CCNL1: variants seen among roughly 807,000 people sequenced by gnomAD.
CCNL1 encodes cyclin-L1.
A neutral mutation model predicts 60.6 loss-of-function variants in CCNL1; 13 were observed. That is an observed-to-expected ratio of 0.21 (90% confidence interval 0.14 to 0.34). The LOEUF (loss-of-function observed/expected upper bound fraction) is 0.34, where lower values mean the gene tolerates loss of function less well. Ranked by LOEUF, CCNL1 falls within the 10% of genes least tolerant of loss-of-function variation. CCNL1 has a pLI of 1.00. For synonymous variants in CCNL1, 270 were observed against 244.3 expected, an observed-to-expected ratio of 1.10 and a Z score of -0.98; for missense variants, 481 against 664.3, an observed-to-expected ratio of 0.72 and a Z score of 3.03.
At chr3:157,146,082 T>C (rs1372212172), downstream of CCNL1, among the ~76,000 whole-genome samples, 1 of 152,220 alleles carries the variant, frequency 6.6e-6, no homozygotes, top group Non-Finnish European at 1.5e-5. Flanking sequence ...GAACAAACTT[T>C]ACTTGTATGG....
rs1318553065 is a variant in CCNL1, at chr3:157,149,559, T to C, written c.1059A>G (p.Pro353=). ...TGACTGTCTTCACATTAATGGAGATTGGTGATTTCTCTTCAGCTTTTACTT... is the reference window on the plus strand; with the variant it reads ...TGACTGTCTTCACATTAATGGAGATCGGTGATTTCTCTTCAGCTTTTACTT... ...PREVKAEEKS[P]ISINVKTVKK... The change falls in exon 9 of 11, where the codon CCA becomes CCG. Residue 353 remains proline (P), a synonymous_variant. Coordinates refer to ENST00000295926, the MANE Select transcript of CCNL1 (RefSeq NM_020307.4). 1 of 1,614,028 alleles carries C rather than the reference T, an allele frequency of 6.2e-7. No individual in the cohort carries two copies. The highest frequency in any genetic ancestry group is 8.5e-7 in the Non-Finnish European group (1 of 1,179,952).
At chr3:157,145,055 G>C (rs145964221), downstream of CCNL1, among the ~76,000 whole-genome samples, 438 of 152,286 alleles carry the variant, frequency 2.9e-3, 4 homozygotes, top group African/African-American at 0.01. Flanking sequence ...ATGGGAACAT[G>C]GTTAAGAATT....
intron 3 of CCNL1, 176 bp downstream of exon 3, chr3:157,158,690 T>A: frequency 2.0e-6 from 1 of 505,876 alleles, no homozygotes; most frequent in East Asian, 3.6e-5. Flanking sequence ...GTTAATTATG[T>A]TTCTTTTTTC....
Position 157,149,555 on chromosome 3 carries a change from A to G in CCNL1, c.1063T>C (p.Ser355Pro). The change falls in exon 9 of 11, where the codon TCC becomes CCC. Residue 355 changes from serine to proline, a missense_variant. Ser to Pro is a moderately conservative substitution (Grantham distance 74, BLOSUM62 -1). This residue lies in a region of CCNL1 where 197 missense variants were observed against 233.9 expected (regional missense o/e 0.84). Transcript: ENST00000295926. ...EVKAEEKSPI[S>P]INVKTVKKEP... ...TTTTTGACTGTCTTCACATTAATGG[A>G]GATTGGTGATTTCTCTTCAGCTTTT... is the stretch of plus-strand genomic sequence containing the variant. The G allele has an allele frequency of 1.2e-6, 2 of 1,613,926 alleles. No individual in the cohort carries two copies. Among genetic ancestry groups the G allele is most frequent in the East Asian group, 2.2e-5 (1 of 44,868 alleles).
downstream of CCNL1, among the ~76,000 whole-genome samples, chr3:157,143,999 A>T (rs1477381079): frequency 6.6e-6 from 1 of 152,218 alleles, no homozygotes; most frequent in Admixed American, 6.5e-5. Context: ...TGACAGACAG[A>T]AATCAGACTA....
intron 3 of CCNL1, chr3:157,158,534 G>A (rs907533612): frequency 5.8e-6 from 1 of 173,196 alleles, no homozygotes; most frequent in South Asian, 1.2e-4. Context: ...TCCAGAGAGG[G>A]GAGAGGAAAA....
At chr3:157,145,437 C>CAAAAAAAGAAAAAAAAAAAAAA (rs1737750871), downstream of CCNL1, among the ~76,000 whole-genome samples, 1 of 24,266 alleles carries the variant, frequency 4.1e-5, no homozygotes, top group Non-Finnish European at 7.6e-5. Context: ...GACTTCATCT[C>CAAAAAAAGAAAAAAAAAAAAAA]AAAAAAAAAA....
At chr3:157,157,200 G>A (rs374577458) in intron 3 of CCNL1, 1 of 928,244 alleles carries the variant, frequency 1.1e-6, no homozygotes, top group African/African-American at 1.7e-5. Context: ...TTAAAAAAAG[G>A]CTTCCATGCA....
downstream of CCNL1, among the ~76,000 whole-genome samples, chr3:157,144,889 A>G (rs926067686): frequency 6.6e-6 from 1 of 152,176 alleles, no homozygotes; most frequent in Non-Finnish European, 1.5e-5. Flanking sequence ...TTATTTTTGG[A>G]AACTCTCATG....
At position 157,150,254 on chromosome 3, in the gene CCNL1, C is replaced by T. The variant is rs1457912925; in HGVS notation, c.774+28G>A. The T allele has an allele frequency of 5.0e-6, 8 of 1,612,152 alleles. No individual in the cohort carries two copies. In the South Asian group the frequency reaches 6.6e-5, roughly 13 times the overall value. ...CCGAAAATTTGTGTGATTTATCCTA[C>T]AGAACAAAATGGGAAATATACACCT... On this transcript the variant is annotated intron_variant, in intron 6 of 10. Coordinates refer to ENST00000295926, the MANE Select transcript of CCNL1 (RefSeq NM_020307.4).
chr3:157,152,687 A>C (rs1738284631), intron 4 of CCNL1: 6 of 1,114,584 alleles, frequency 5.4e-6, no homozygotes, highest in Non-Finnish European at 6.6e-6. Flanking sequence ...TTCTACTATG[A>C]TGATAAGTGT....
intron 3 of CCNL1, 71 bp from the exon 4 acceptor site, chr3:157,153,227 T>C: frequency 6.6e-7 from 1 of 1,516,372 alleles, no homozygotes; most frequent in Non-Finnish European, 8.9e-7. Flanking sequence ...GCATCTCCAT[T>C]TTCCCTTCCA....
downstream of CCNL1, among the ~76,000 whole-genome samples, chr3:157,145,965 G>A (rs1737773144): frequency 6.6e-6 from 1 of 152,106 alleles, no homozygotes; most frequent in African/African-American, 2.4e-5. Flanking sequence ...AGAGATGAGG[G>A]CTCTCTGGAT....
intron 3 of CCNL1, among the ~76,000 whole-genome samples, chr3:157,156,748 A>G (rs1302716878): frequency 3.9e-5 from 6 of 152,256 alleles, no homozygotes; most frequent in Non-Finnish European, 5.9e-5. Flanking sequence ...ACTAGATTAA[A>G]ACAAATAGCA....
chr3:157,156,506 A>C (rs929224631), intron 3 of CCNL1, among the ~76,000 whole-genome samples: 1 of 152,214 alleles, frequency 6.6e-6, no homozygotes, highest in Non-Finnish European at 1.5e-5. Context: ...CCCCCTCTAA[A>C]TTTAGCTGTT....
chr3:157,145,437 C>CAAAAAAAAAAAAAAAAAAAA (rs56894231), downstream of CCNL1, among the ~76,000 whole-genome samples: 25 of 24,268 alleles, frequency 1.0e-3, 1 homozygote, highest in East Asian at 1.7e-3. Flanking sequence ...GACTTCATCT[C>CAAAAAAAAAAAAAAAAAAAA]AAAAAAAAAA....
chr3:157,152,359 C>A (rs1266561560), intron 4 of CCNL1, 118 bp from the exon 5 acceptor site: 2 of 1,462,996 alleles, frequency 1.4e-6, no homozygotes, highest in African/African-American at 1.4e-5. Flanking sequence ...ATCGATAATA[C>A]AGACCAATTT....
chr3:157,159,081 A>T, intron 2 of CCNL1, 106 bp from the exon 3 acceptor site: 13 of 734,736 alleles, frequency 1.8e-5, no homozygotes, highest in Non-Finnish European at 2.8e-5. Context: ...TAGAGAAGAC[A>T]TCTCTATGCC....
intron 4 of CCNL1, chr3:157,152,630 CA>C (rs1430737501): frequency 6.6e-6 from 7 of 1,068,488 alleles, no homozygotes; most frequent in African/African-American, 3.4e-5. Flanking sequence ...TTGGGAGAAA[CA>C]AATTTCCAAT....
Sources: gnomAD v4.1 joint callset for allele counts (sites outside exome capture counted in the v4.1 genomes callset) on GRCh38, gnomAD v4.1.1 for gene constraint, gnomAD v4.1.1 regional missense constraint, MANE v1.5 for transcripts, NCBI Gene and HGNC (gene_info 2026-07-23, HGNC 2026-07-21) for gene names.